Variants in SLC1A2 observed in about 807,000 individuals in gnomAD.
SLC1A2 encodes the protein solute carrier family 1 member 2.
A neutral mutation model predicts 48.8 loss-of-function variants in SLC1A2; 15 were observed. The observed-to-expected ratio is 0.31, with a 90% CI of 0.21 to 0.47. The LOEUF (loss-of-function observed/expected upper bound fraction) is 0.47, where lower values mean the gene tolerates loss of function less well. Among genes scored for constraint, SLC1A2 ranks in the 20% least tolerant of loss-of-function variants. The pLI is 0.99. For synonymous variants in SLC1A2, 279 were observed against 272.6 expected (o/e 1.02, Z -0.23); for missense variants, 502 against 730.5 (o/e 0.69, Z 3.61).
At chr11:35,316,435 G>A (rs1851879699) in intron 2 of SLC1A2, 1 of 152,234 alleles carries the variant, frequency 6.6e-6, no homozygotes, top group Non-Finnish European at 1.5e-5. Context: ...TGATGAATTA[G>A]ATGTGGTTAC....
At chr11:35,320,585 T>C (rs958764707) in intron 1 of SLC1A2, among the ~76,000 whole-genome samples, 16 of 152,356 alleles carry the variant, frequency 1.1e-4, no homozygotes, top group South Asian at 4.1e-4. Context: ...GAGGGCAAGA[T>C]TGTGATCTTT....
In SLC1A2 at chr11:35,418,073, C is replaced by G. The variant is rs1260571778; in HGVS notation, c.17+877G>C. 3.3e-5 allele frequency among the ~76,000 whole-genome samples: 5 copies of G among 152,176 alleles called. No homozygotes were observed. The East Asian group carries it at 9.6e-4, about 29-fold the overall frequency. ...TCTTTTCATTGCCACTCAGGTTCTA[C>G]GAAGCCCAAAAAGTTTTCTGGGAGA... On this transcript the variant is annotated intron_variant, in intron 1 of 10. Coordinates refer to ENST00000278379, the MANE Select transcript of SLC1A2 (RefSeq NM_004171.4).
intron 1 of SLC1A2, among the ~76,000 whole-genome samples, chr11:35,414,305 C>A (rs1372773473): frequency 6.6e-6 from 1 of 152,146 alleles, no homozygotes; most frequent in Non-Finnish European, 1.5e-5. Context: ...ATCTTCCTTT[C>A]ATTCTCCTTT....
intron 1 of SLC1A2, chr11:35,390,925 G>C (rs1355485956): frequency 6.6e-6 from 1 of 152,114 alleles, no homozygotes; most frequent in Non-Finnish European, 1.5e-5. Flanking sequence ...CTCGGCCTCC[G>C]ATGGTGCTGA....
rs377626919 is a variant in SLC1A2 at position 35,287,001 on chromosome 11, G to A, written c.1092-50C>T. ...ACAGGGTTATGTCCACTTTAGAGAA[G>A]CAGGACAATGCATAAACTGGAATGC... On this transcript the variant is annotated intron_variant, in intron 7 of 10. Coordinates refer to ENST00000278379, the MANE Select transcript of SLC1A2 (RefSeq NM_004171.4). 3.1e-5 allele frequency: 43 copies of A among 1,402,378 alleles called. 1 individual carries two copies. In the South Asian group the frequency reaches 4.9e-4, roughly 16 times the overall value. 86.9% of individuals were successfully genotyped at this position (1,402,378 alleles called of 1,614,324 possible).
Position 35,252,741 on chromosome 11 carries a change from A to C in SLC1A2, c.*8153T>G, listed in dbSNP as rs746554000. The C allele has an allele frequency of 1.3e-5, 2 of 152,656 alleles. No individual in the cohort carries two copies. Among genetic ancestry groups the C allele is most frequent in the Non-Finnish European group, 2.9e-5 (2 of 68,034 alleles). The allele number at this position is 152,656 out of a possible 1,614,324, so 9.5% of individuals were successfully genotyped here. A position where few individuals can be genotyped will look rare whatever the true frequency, so the allele number is the denominator to read the frequency against. On this transcript the variant is annotated 3_prime_UTR_variant, in exon 11 of 11. Coordinates refer to ENST00000278379, the MANE Select transcript of SLC1A2 (RefSeq NM_004171.4). ...ACATGTCTACTGCATTTAGATGAAT[A>C]GCCAAAAATAACATATACATTTAAA...
intron 1 of SLC1A2, among the ~76,000 whole-genome samples, chr11:35,393,539 T>C (rs1259233295): frequency 6.6e-6 from 1 of 152,166 alleles, no homozygotes; most frequent in Non-Finnish European, 1.5e-5. Flanking sequence ...CACCCCCCTC[T>C]TCACTTCTTT....
chr11:35,267,733 A>G (rs1591405129), intron 9 of SLC1A2, among the ~76,000 whole-genome samples: 1 of 151,888 alleles, frequency 6.6e-6, no homozygotes, highest in East Asian at 1.9e-4. Flanking sequence ...CTGTGAAAGG[A>G]AAGTAAAATC....
intron 1 of SLC1A2, among the ~76,000 whole-genome samples, chr11:35,325,299 T>G (rs1852203475): frequency 6.6e-6 from 1 of 152,220 alleles, no homozygotes; most frequent in South Asian, 2.1e-4. Flanking sequence ...CAGGAAGCCT[T>G]TGATGACTCC....
rs374086497 is a variant in SLC1A2 at position 35,340,344 on chromosome 11, G to T, written c.18-22828C>A. Among the ~76,000 whole-genome samples the T allele has an allele frequency of 1.2e-4, 18 of 152,330 alleles. No homozygotes were observed. In the East Asian group the frequency reaches 3.5e-3, roughly 29 times the overall value. ...GGGCAACGCTGGCACAGAGATAAAA[G>T]GGCTGTCCACAGTCTGGCCTCTAAG... On this transcript the variant is annotated intron_variant, in intron 1 of 10. Coordinates refer to ENST00000278379, the MANE Select transcript of SLC1A2 (RefSeq NM_004171.4).
Position 35,251,349 on chromosome 11 carries a change from T to A in SLC1A2, c.*9545A>T, listed in dbSNP as rs1012497432. 2 of 152,646 alleles carry A rather than the reference T, an allele frequency of 1.3e-5. No individual in the cohort carries two copies. The highest frequency in any genetic ancestry group is 4.8e-5 in the African/African-American group (2 of 41,452). 9.5% of individuals were successfully genotyped at this position (152,646 alleles called of 1,614,324 possible). A position where few individuals can be genotyped will look rare whatever the true frequency, so the allele number is the denominator to read the frequency against. ...GAAATGTTACAGTAATCAGTCCACATTGTAAGAAAGCTTAGAAAGCTAAAG... is the reference window on the plus strand; with the variant it reads ...GAAATGTTACAGTAATCAGTCCACAATGTAAGAAAGCTTAGAAAGCTAAAG... On this transcript the variant is annotated 3_prime_UTR_variant, in exon 11 of 11. Coordinates refer to ENST00000278379, the MANE Select transcript of SLC1A2 (RefSeq NM_004171.4).
chr11:35,321,486 G>A (rs1852066418), intron 1 of SLC1A2, among the ~76,000 whole-genome samples: 1 of 151,996 alleles, frequency 6.6e-6, no homozygotes, highest in African/African-American at 2.4e-5. Context: ...TACACAATTT[G>A]GAAATCTGTC....
At chr11:35,365,230 C>T (rs572744946) in intron 1 of SLC1A2, among the ~76,000 whole-genome samples, 8 of 152,160 alleles carry the variant, frequency 5.3e-5, no homozygotes, top group Non-Finnish European at 1.0e-4. Flanking sequence ...TGCTTCTGGT[C>T]CCTCTGGGGC....
At chr11:35,390,472 G>A (rs1352220933) in intron 1 of SLC1A2, among the ~76,000 whole-genome samples, 4 of 152,076 alleles carry the variant, frequency 2.6e-5, no homozygotes, top group Non-Finnish European at 5.9e-5. Context: ...AAGCAATATT[G>A]AGGTTACGTT....
intron 1 of SLC1A2, among the ~76,000 whole-genome samples, chr11:35,343,672 T>C (rs981407732): frequency 6.6e-6 from 1 of 152,138 alleles, no homozygotes; most frequent in South Asian, 2.1e-4. Flanking sequence ...TTTGGGGACC[T>C]ACCCTAGCAC....
Position 35,253,632 on chromosome 11 carries a change from G to A in SLC1A2, c.*7262C>T, listed in dbSNP as rs1422180572. The A allele has an allele frequency of 6.6e-6, 1 of 152,632 alleles. No homozygotes were observed. Among genetic ancestry groups the A allele is most frequent in the Non-Finnish European group, 1.5e-5 (1 of 68,038 alleles). 9.5% of individuals were successfully genotyped at this position (152,632 alleles called of 1,614,324 possible). A position where few individuals can be genotyped will look rare whatever the true frequency, so the allele number is the denominator to read the frequency against. ...TATCCTCACCAGCTAAGGGATTTAA[G>A]CAATTCCTTGTTCTTAATGGTTCAT... On this transcript the variant is annotated 3_prime_UTR_variant, in exon 11 of 11. Transcript: ENST00000278379.
chr11:35,418,876 G>A, intron 1 of SLC1A2, 74 bp downstream of exon 1: 4 of 1,396,808 alleles, frequency 2.9e-6, no homozygotes, highest in East Asian at 2.5e-5. Flanking sequence ...CTCTCTATCC[G>A]CATCCCGGAT....
intron 1 of SLC1A2, among the ~76,000 whole-genome samples, chr11:35,395,012 C>G (rs529066145): frequency 1.3e-5 from 2 of 152,130 alleles, no homozygotes; most frequent in African/African-American, 4.8e-5. Flanking sequence ...CCGAGGAGAG[C>G]GTCTTCCCCA....
intron 1 of SLC1A2, among the ~76,000 whole-genome samples, chr11:35,340,728 G>T (rs947394923): frequency 2.0e-5 from 3 of 152,170 alleles, no homozygotes; most frequent in Non-Finnish European, 4.4e-5. Flanking sequence ...CAGAAGTAAA[G>T]GGAATGCTTT....
Sources: gnomAD v4.1 joint callset for allele counts (sites outside exome capture counted in the v4.1 genomes callset) on GRCh38, gnomAD v4.1.1 for gene constraint, MANE v1.5 for transcripts, NCBI Gene and HGNC (gene_info 2026-07-23, HGNC 2026-07-21) for gene names.